OSGIN1: variants seen among roughly 807,000 people sequenced by gnomAD.
OSGIN1 encodes the protein oxidative stress-induced growth inhibitor 1.
OSGIN1 carries 19 observed loss-of-function variants against 20.1 expected under a neutral mutation model. The observed-to-expected ratio is 0.95, with a 90% confidence interval of 0.66 to 1.39. The LOEUF (loss-of-function observed/expected upper bound fraction) is 1.39, where lower values mean the gene tolerates loss of function less well. Among genes scored for constraint, OSGIN1 ranks in the 40% most tolerant of loss-of-function variants. OSGIN1 has a pLI of 0.00. For synonymous variants in OSGIN1, 368 were observed against 297.8 expected (o/e 1.24, Z -2.43); for missense variants, 820 against 653.0 (o/e 1.26, Z -2.79).
In OSGIN1 at chr16:83,960,763, G is replaced by T. The variant is rs543173908; in HGVS notation, c.396+3G>T. The T allele has an allele frequency of 6.2e-7, 1 of 1,612,592 alleles. No individual in the cohort carries two copies. Among genetic ancestry groups the T allele is most frequent in the South Asian group, 1.1e-5 (1 of 91,018 alleles). On this transcript the variant is annotated splice_donor_region_variant and intron_variant, in intron 4 of 5. Coordinates refer to ENST00000393306, the MANE Select transcript of OSGIN1 (RefSeq NM_182981.3). Reference sequence around the variant, plus strand: ...ACCTCCCCGGGGGAGCCTGGCACGTGAGTGGGGCAGCGAGGGCATGGCTTG... The same window carrying T: ...ACCTCCCCGGGGGAGCCTGGCACGTTAGTGGGGCAGCGAGGGCATGGCTTG...
Position 83,965,148 on chromosome 16 carries a change from T to C in OSGIN1, c.575T>C (p.Phe192Ser). Residue 192 changes from phenylalanine to serine, a missense_variant, in exon 6 of 6, where the codon TTT becomes TCT. Phe to Ser is a radical substitution (Grantham distance 155). Coordinates refer to ENST00000393306, the MANE Select transcript of OSGIN1 (RefSeq NM_182981.3). ...YVVKKGLGHN[F>S]VSGAVVTAVE... ...GTCAAGAAGGGTCTGGGGCATAACTTTGTGTCCGGTGCTGTAGTCACAGCC... is the reference window on the plus strand; with the variant it reads ...GTCAAGAAGGGTCTGGGGCATAACTCTGTGTCCGGTGCTGTAGTCACAGCC... The C allele has an allele frequency of 1.2e-6, 2 of 1,613,378 alleles. No homozygotes were observed. The highest frequency in any genetic ancestry group is 1.7e-6 in the Non-Finnish European group (2 of 1,179,982).
In OSGIN1 at chr16:83,960,952, C is replaced by G. The variant is rs368397577; in HGVS notation, c.397-29C>G. The G allele has an allele frequency of 7.5e-6, 12 of 1,604,632 alleles. No homozygotes were observed. In the African/African-American group the frequency reaches 1.6e-4, roughly 21 times the overall value. ...CCAAATGGGTTCAGGCGAGCAGAGG[C>G]CTGGACCAAAGGGTTCCTTTCCCTG... On this transcript the variant is annotated intron_variant, in intron 4 of 5. Coordinates refer to ENST00000393306, the MANE Select transcript of OSGIN1 (RefSeq NM_182981.3).
At chr16:83,964,746 C>T (rs2084255669) in intron 5 of OSGIN1, among the ~76,000 whole-genome samples, 1 of 152,158 alleles carries the variant, frequency 6.6e-6, no homozygotes, top group Admixed American at 6.6e-5. Context: ...GAAACAGACA[C>T]AGCTCCCTGA....
intron 1 of OSGIN1, among the ~76,000 whole-genome samples, chr16:83,956,410 C>G (rs908837654): frequency 2.6e-5 from 4 of 152,214 alleles, no homozygotes; most frequent in African/African-American, 9.7e-5. Flanking sequence ...TGGAAGAATT[C>G]TGGAGGCAGG....
intron 5 of OSGIN1, 55 bp from the exon 6 acceptor site, chr16:83,965,007 A>ACCCCC: frequency 1.1e-5 from 5 of 475,814 alleles, no homozygotes; most frequent in African/African-American, 2.1e-5. Context: ...CGTCCCACCC[A>ACCCCC]GCCCCCCAAC....
chr16:83,965,077 C>G lies in OSGIN1; in HGVS notation c.504C>G (p.Ser168Arg). The change falls in exon 6 of 6, where the codon AGC becomes AGG. Residue 168 changes from serine (S) to arginine (R), a missense_variant. Physicochemically the swap from Ser to Arg is moderately radical, Grantham distance 110. Transcript: ENST00000393306. ...MQKKRRGLRN[S>R]RATAGDIAHY... is the part of the protein sequence containing the mutation. ...TCCCCAACAGAGGTCTTCGCAACAG[C>G]CGGGCCACTGCCGGGGACATCGCCC... The G allele has an allele frequency of 1.3e-6, 2 of 1,599,184 alleles. No individual in the cohort carries two copies. Among genetic ancestry groups the G allele is most frequent in the African/African-American group, 1.3e-5 (1 of 74,798 alleles).
chr16:83,961,225 C>T, intron 5 of OSGIN1, 153 bp downstream of exon 5: 2 of 622,564 alleles, frequency 3.2e-6, no homozygotes, highest in Non-Finnish European at 5.7e-6. Flanking sequence ...TGACATGTGC[C>T]CAAGGTGATC....
intron 5 of OSGIN1, 43 bp from the exon 6 acceptor site, chr16:83,965,019 C>A (rs751661345): frequency 7.6e-7 from 1 of 1,308,828 alleles, no homozygotes; most frequent in Admixed American, 1.8e-5. Flanking sequence ...CCCCCCAACC[C>A]CTAACAGTGT....
chr16:83,960,114 A>G (rs1255532319), intron 3 of OSGIN1, among the ~76,000 whole-genome samples: 1 of 152,168 alleles, frequency 6.6e-6, no homozygotes, highest in Non-Finnish European at 1.5e-5. Context: ...AGTGCTCTCT[A>G]TAGAATACTA....
Position 83,965,466 on chromosome 16 carries a change from C to A in OSGIN1, c.893C>A (p.Ala298Asp), listed in dbSNP as rs1478133440. 6.2e-7 allele frequency: 1 copy of A among 1,603,084 alleles called. No homozygotes were observed. The highest frequency in any genetic ancestry group is 8.5e-7 in the Non-Finnish European group (1 of 1,178,092). The change falls in exon 6 of 6, where the codon GCC becomes GAC. Residue 298 changes from alanine (A) to aspartate (D), a missense_variant. Transcript: ENST00000393306. The stretch of plus-strand genomic sequence containing the variant: ...ATCATTGGCGCGGGGCTGTCAGCGG[C>A]CGACGCGGTCCTCTACGCCCGCCAC... Reference protein sequence around the residue: ...VLIIGAGLSAADAVLYARHYN... With the variant: ...VLIIGAGLSADDAVLYARHYN...
At position 83,957,709 on chromosome 16, in the gene OSGIN1, G is replaced by A; in HGVS notation, c.38G>A (p.Ser13Asn). ...AGAAAGGACCACCTCGGCGCCAGCA[G>A]CTCAGAGCCCCTCCCGGTCATCATT... ...SSRKDHLGAS[S>N]SEPLPVIIVG... The change falls in exon 2 of 6, where the codon AGC becomes AAC. Residue 13 changes from serine (S) to asparagine (N), a missense_variant. Coordinates refer to ENST00000393306, the MANE Select transcript of OSGIN1 (RefSeq NM_182981.3). 2.5e-6 allele frequency: 4 copies of A among 1,604,818 alleles called. No homozygotes were observed. The highest frequency in any genetic ancestry group is 1.3e-5 in the African/African-American group (1 of 74,772).
At chr16:83,960,479 C>T in intron 3 of OSGIN1, 90 bp from the exon 4 acceptor site, 1 of 1,028,878 alleles carries the variant, frequency 9.7e-7, no homozygotes. Flanking sequence ...ATGGCCCGGC[C>T]CCAGTCCCCA....
intron 1 of OSGIN1, among the ~76,000 whole-genome samples, chr16:83,955,015 G>A (rs147585025): frequency 1.1e-4 from 17 of 152,272 alleles, no homozygotes; most frequent in African/African-American, 3.6e-4. Flanking sequence ...ATCGCCCACC[G>A]GCTCTGTAGC....
At position 83,960,238 on chromosome 16, in the gene OSGIN1, T is replaced by C. The variant is rs147079086; in HGVS notation, c.205-331T>C. 6.5e-3 allele frequency among the ~76,000 whole-genome samples: 992 copies of C among 152,330 alleles called. 11 individuals are homozygous for C. The highest frequency in any genetic ancestry group is 0.023 in the African/African-American group (946 of 41,578). On this transcript the variant is annotated intron_variant, in intron 3 of 5. Coordinates refer to ENST00000393306, the MANE Select transcript of OSGIN1 (RefSeq NM_182981.3). ...TGGCTGCAGGACTTGTCAGAGCCTT[T>C]AATATGCCCGTCTGTGTTATCTGCT...
chr16:83,955,424 A>G (rs1336708385), intron 1 of OSGIN1, among the ~76,000 whole-genome samples: 1 of 152,134 alleles, frequency 6.6e-6, no homozygotes, highest in Non-Finnish European at 1.5e-5. Context: ...GAGGGGTCTC[A>G]GCAGGACCTC....
intron 5 of OSGIN1, among the ~76,000 whole-genome samples, chr16:83,962,581 C>G (rs113148141): frequency 0.015 from 2,308 of 152,328 alleles, 49 homozygotes; most frequent in African/African-American, 0.052. Context: ...GACGCACAAC[C>G]ATGACACAGC....
rs964958624 is a variant in OSGIN1 at position 83,960,490 on chromosome 16, C to T, written c.205-79C>T. The T allele has an allele frequency of 1.5e-4, 183 of 1,186,890 alleles. 1 individual carries two copies. The East Asian group carries it at 4.0e-3, about 26-fold the overall frequency. 73.5% of individuals were successfully genotyped at this position (1,186,890 alleles called of 1,614,324 possible). A position where few individuals can be genotyped will look rare whatever the true frequency, so the allele number is the denominator to read the frequency against. ...GGAAATGGCCCGGCCCCAGTCCCCA[C>T]GTTCCTGCCCAGCCTCAGGCTCTGG... On this transcript the variant is annotated intron_variant, in intron 3 of 5. Coordinates refer to ENST00000393306, the MANE Select transcript of OSGIN1 (RefSeq NM_182981.3).
Position 83,966,116 on chromosome 16 carries a change from C to G in OSGIN1, c.*109C>G, listed in dbSNP as rs552099252. 9 of 897,208 alleles carry G rather than the reference C, an allele frequency of 1.0e-5. No individual in the cohort carries two copies. The highest frequency in any genetic ancestry group is 1.5e-5 in the Non-Finnish European group (9 of 608,682). The allele number at this position is 897,208 out of a possible 1,614,324, so 55.6% of individuals were successfully genotyped here. A position where few individuals can be genotyped will look rare whatever the true frequency, so the allele number is the denominator to read the frequency against. ...TGCCCCGGGGAGGGGTGTCAGCCCACGTTGCTGGCCTTTGGGGTCAAGAGG... is the reference window on the plus strand; with the variant it reads ...TGCCCCGGGGAGGGGTGTCAGCCCAGGTTGCTGGCCTTTGGGGTCAAGAGG... On this transcript the variant is annotated 3_prime_UTR_variant, in exon 6 of 6. Coordinates refer to ENST00000393306, the MANE Select transcript of OSGIN1 (RefSeq NM_182981.3).
chr16:83,964,369 C>T (rs1482495865), intron 5 of OSGIN1, among the ~76,000 whole-genome samples: 1 of 151,890 alleles, frequency 6.6e-6, no homozygotes, highest in Non-Finnish European at 1.5e-5. Flanking sequence ...TAGAAAAGTA[C>T]GTAACTCCTG....
Sources: allele counts gnomAD v4.1 joint callset (sites outside exome capture counted in the v4.1 genomes callset), GRCh38; gene constraint gnomAD v4.1.1; transcripts MANE v1.5; gene names NCBI Gene and HGNC (gene_info 2026-07-23, HGNC 2026-07-21).